GPR155: variants seen among roughly 807,000 people sequenced by gnomAD.
GPR155 encodes G protein-coupled receptor 155, also known as lysosomal cholesterol signaling protein.
Under a neutral mutation model 93.1 loss-of-function variants are expected in GPR155, and 65 were observed. That is an observed-to-expected ratio of 0.70 (90% CI 0.57 to 0.86). GPR155 has a LOEUF of 0.86. Ranked by LOEUF, GPR155 falls within the 40% of genes least tolerant of loss-of-function variation. The pLI is 0.00. For missense variants in GPR155, 838 were observed against 1,034.8 expected, an observed-to-expected ratio of 0.81 and a Z score of 2.61; for synonymous variants, 319 against 360.1, an observed-to-expected ratio of 0.89 and a Z score of 1.29.
intron 7 of GPR155, among the ~76,000 whole-genome samples, chr2:174,465,176 A>G (rs1687803663): frequency 6.6e-6 from 1 of 151,984 alleles, no homozygotes; most frequent in Admixed American, 6.5e-5. Flanking sequence ...GTCCTTTTCT[A>G]TTTCCATGCC....
At chr2:174,445,699 T>A (rs1388476412) in intron 12 of GPR155, among the ~76,000 whole-genome samples, 1 of 152,178 alleles carries the variant, frequency 6.6e-6, no homozygotes, top group Non-Finnish European at 1.5e-5. Context: ...AAGAATTATA[T>A]AATAAGAACT....
At chr2:174,461,352 G>T in intron 9 of GPR155, 50 bp downstream of exon 9, 2 of 1,102,276 alleles carry the variant, frequency 1.8e-6, no homozygotes, top group Non-Finnish European at 2.8e-6. Context: ...CACATAACGA[G>T]CTAAAAAGAG....
chr2:174,448,094 A>G (rs950875311), intron 11 of GPR155, among the ~76,000 whole-genome samples: 10 of 152,244 alleles, frequency 6.6e-5, no homozygotes, highest in Admixed American at 2.6e-4. Flanking sequence ...GTAATGTCTC[A>G]GCCAGGCACG....
At chr2:174,466,065 C>T (rs1376918209) in intron 6 of GPR155, among the ~76,000 whole-genome samples, 163 bp from the exon 7 acceptor site, 1 of 152,114 alleles carries the variant, frequency 6.6e-6, no homozygotes, top group African/African-American at 2.4e-5. Flanking sequence ...AAGTATTACA[C>T]ACTACTTATA....
intron 11 of GPR155, among the ~76,000 whole-genome samples, chr2:174,450,074 A>T (rs1687271544): frequency 6.6e-6 from 1 of 151,934 alleles, no homozygotes; most frequent in South Asian, 2.1e-4. Flanking sequence ...TGAGCCTAGA[A>T]GGCAACAGTT....
At chr2:174,477,967 T>C (rs1325874082) in intron 2 of GPR155, among the ~76,000 whole-genome samples, 1 of 152,230 alleles carries the variant, frequency 6.6e-6, no homozygotes. Context: ...TAATGGCATA[T>C]AGTTAAATGC....
In GPR155 at chr2:174,452,707, G is replaced by A. The variant is rs547352090; in HGVS notation, c.1876+1030C>T. On this transcript the variant is annotated intron_variant, in intron 11 of 15. Transcript: ENST00000392552. ...GTCACCTAGGTTGCAGTGCAGTGGC[G>A]TGATCTTGGCTCACTGCAACCTCCG... is the stretch of plus-strand genomic sequence containing the variant. Among the ~76,000 whole-genome samples the A allele has an allele frequency of 5.3e-3, 810 of 152,016 alleles. 14 individuals carry two copies. Among genetic ancestry groups the A allele is most frequent in the African/African-American group, 0.019 (780 of 41,448 alleles).
At chr2:174,466,828 TAATA>T (rs1028850545) in intron 5 of GPR155, among the ~76,000 whole-genome samples, 1 of 152,172 alleles carries the variant, frequency 6.6e-6, no homozygotes, top group Admixed American at 6.5e-5. Flanking sequence ...AGAGATCCCA[TAATA>T]AATTAACTCT....
intron 11 of GPR155, among the ~76,000 whole-genome samples, chr2:174,451,050 C>G (rs1687302377): frequency 6.6e-6 from 1 of 152,144 alleles, no homozygotes; most frequent in South Asian, 2.1e-4. Flanking sequence ...CAGCTGACGC[C>G]TGTAATCCCA....
intron 10 of GPR155, among the ~76,000 whole-genome samples, chr2:174,455,331 C>T (rs759179287): frequency 1.2e-4 from 19 of 152,134 alleles, no homozygotes; most frequent in Non-Finnish European, 2.5e-4. Flanking sequence ...GGAAGGTTCA[C>T]TGGGTAGCTC....
At chr2:174,481,461 ATTT>A (rs1373955697) in intron 2 of GPR155, 33 bp downstream of exon 2, 1 of 1,294,142 alleles carries the variant, frequency 7.7e-7, no homozygotes, top group African/African-American at 1.5e-5. Flanking sequence ...TTAAAATTGA[ATTT>A]TTTAAACACT....
At chr2:174,470,762 T>C (rs1045201566) in intron 3 of GPR155, among the ~76,000 whole-genome samples, 1 of 152,148 alleles carries the variant, frequency 6.6e-6, no homozygotes, top group Admixed American at 6.5e-5. Context: ...GTAACAATAT[T>C]CTGGAAATAC....
At position 174,473,236 on chromosome 2, in the gene GPR155, G is replaced by C. The variant is rs1400408865; in HGVS notation, c.589C>G (p.Gln197Glu). 6.2e-7 allele frequency: 1 copy of C among 1,613,772 alleles called. No individual in the cohort carries two copies. ...FCEIQKWKDTQNASQNKIKIV... is the reference protein window; with the variant it reads ...FCEIQKWKDTENASQNKIKIV... Reference sequence around the variant, plus strand: ...TTTATTTTATTTTGAGAAGCATTTTGAGTGTCTTTCCACTTTTGGATTTCA... The same window carrying C: ...TTTATTTTATTTTGAGAAGCATTTTCAGTGTCTTTCCACTTTTGGATTTCA... The change falls in exon 3 of 16, where the codon CAA becomes GAA. Residue 197 changes from glutamine to glutamate, a missense_variant. Physicochemically the swap from Gln to Glu is conservative, Grantham distance 29. Around this residue, in one of 3 missense-constraint regions of GPR155, gnomAD observed 663 missense variants for 790.1 expected, o/e 0.84. Coordinates refer to ENST00000392552, the MANE Select transcript of GPR155 (RefSeq NM_152529.7).
chr2:174,454,443 A>G (rs1687428216), intron 10 of GPR155, among the ~76,000 whole-genome samples: 2 of 152,054 alleles, frequency 1.3e-5, no homozygotes, highest in Admixed American at 6.6e-5. Context: ...AGCCGAGGCT[A>G]GGAACCTAAG....
chr2:174,434,734 T>C lies in GPR155; in HGVS notation c.*1382A>G, dbSNP rs1686725367. 9 of 152,060 alleles carry C rather than the reference T, an allele frequency of 5.9e-5. No homozygotes were observed. The highest frequency in any genetic ancestry group is 5.9e-4 in the Admixed American group (9 of 15,254). The allele number at this position is 152,060 out of a possible 1,614,324, so 9.4% of individuals were successfully genotyped here. On this transcript the variant is annotated 3_prime_UTR_variant, in exon 16 of 16. Coordinates refer to ENST00000392552, the MANE Select transcript of GPR155 (RefSeq NM_152529.7). ...GGTACTCCCACCTCAGTCTCCAAAG[T>C]AGCTGGGACTACAGGCATGCACTAC...
At chr2:174,450,357 A>G (rs775908122) in intron 11 of GPR155, among the ~76,000 whole-genome samples, 1 of 152,060 alleles carries the variant, frequency 6.6e-6, no homozygotes, top group South Asian at 2.1e-4. Flanking sequence ...GGGCTAAAAA[A>G]CTACTGGGTA....
intron 2 of GPR155, among the ~76,000 whole-genome samples, chr2:174,475,173 T>C (rs1177439899): frequency 6.7e-6 from 1 of 149,140 alleles, no homozygotes; most frequent in Non-Finnish European, 1.5e-5. Context: ...CGGGCGCCTG[T>C]AGTCCCAGCT....
chr2:174,450,523 A>G (rs1039728033), intron 11 of GPR155, among the ~76,000 whole-genome samples: 1 of 152,192 alleles, frequency 6.6e-6, no homozygotes, highest in Non-Finnish European at 1.5e-5. Flanking sequence ...GAGGAACCAT[A>G]AAAGTATTAT....
chr2:174,467,533 C>G lies in GPR155; in HGVS notation c.1183-906G>C, dbSNP rs187561872. ...GACCAGGGCCATGTTCTAACTATGC[C>G]TACCTTCCGTGTCTGGGGTGGGACA... On this transcript the variant is annotated intron_variant, in intron 5 of 15. Coordinates refer to ENST00000392552, the MANE Select transcript of GPR155 (RefSeq NM_152529.7). Among the ~76,000 whole-genome samples, 357 of 152,334 alleles carry G rather than the reference C, an allele frequency of 2.3e-3. 3 individuals carry two copies. The highest frequency in any genetic ancestry group is 7.9e-3 in the African/African-American group (330 of 41,576).
Sources: allele counts gnomAD v4.1 joint callset (sites outside exome capture counted in the v4.1 genomes callset), GRCh38; gene constraint gnomAD v4.1.1; regional missense constraint gnomAD v4.1.1; transcripts MANE v1.5; gene names NCBI Gene and HGNC (gene_info 2026-07-23, HGNC 2026-07-21).